PGAP1: variants seen among roughly 807,000 people sequenced by gnomAD.
PGAP1 encodes the protein post-GPI attachment to proteins inositol deacylase 1, also known as GPI inositol-deacylase.
Under a neutral mutation model 127.0 loss-of-function variants are expected in PGAP1, and 76 were observed. The ratio of observed to expected loss-of-function variants is 0.60; its 90% CI spans 0.50 to 0.72. PGAP1 has a LOEUF of 0.72. Among genes scored for constraint, PGAP1 ranks in the 30% least tolerant of loss-of-function variants. The probability of loss-of-function intolerance (pLI) is 0.00; values close to 1 mark genes in which losing one functional copy is unlikely to be tolerated. For synonymous variants in PGAP1, 362 were observed against 366.5 expected (o/e 0.99, Z 0.14); for missense variants, 982 against 1,071.3 (o/e 0.92, Z 1.16).
chr2:196,902,337 C>A (rs954895944), intron 5 of PGAP1, among the ~76,000 whole-genome samples: 1 of 152,132 alleles, frequency 6.6e-6, no homozygotes, highest in Admixed American at 6.6e-5. Flanking sequence ...GGTTCCTGGC[C>A]ATCCTTTTTA....
At chr2:196,873,833 AT>A in intron 14 of PGAP1, 75 bp from the exon 15 acceptor site, 1 of 965,324 alleles carries the variant, frequency 1.0e-6, no homozygotes, top group East Asian at 2.4e-5. Context: ...TTTAATTAGC[AT>A]TAAGACAATG....
intron 20 of PGAP1, among the ~76,000 whole-genome samples, chr2:196,862,520 A>C (rs1426947706): frequency 6.6e-6 from 1 of 152,112 alleles, no homozygotes; most frequent in Non-Finnish European, 1.5e-5. Flanking sequence ...TGTGACCGAC[A>C]CCCTATTCGT....
chr2:196,846,272 T>C (rs1449871977), intron 22 of PGAP1, among the ~76,000 whole-genome samples: 3 of 152,116 alleles, frequency 2.0e-5, no homozygotes, highest in Non-Finnish European at 4.4e-5. Context: ...TGAAAAAATG[T>C]TACCAAAGAT....
intron 20 of PGAP1, among the ~76,000 whole-genome samples, chr2:196,860,961 A>C (rs1228764451): frequency 6.6e-6 from 1 of 152,218 alleles, no homozygotes; most frequent in Non-Finnish European, 1.5e-5. Flanking sequence ...ATGGCAACCA[A>C]AACAGTTTAG....
intron 2 of PGAP1, among the ~76,000 whole-genome samples, chr2:196,917,075 C>A (rs1411555226): frequency 6.6e-6 from 1 of 152,126 alleles, no homozygotes; most frequent in Non-Finnish European, 1.5e-5. Context: ...CCAAATCTAT[C>A]CCCAGTTGAA....
At chr2:196,903,341 T>C (rs1289888186) in intron 4 of PGAP1, among the ~76,000 whole-genome samples, 1 of 151,148 alleles carries the variant, frequency 6.6e-6, no homozygotes, top group African/African-American at 2.4e-5. Context: ...GGAAGGCAGA[T>C]CACGAGGTCA....
chr2:196,852,743 A>C (rs1700760654), intron 20 of PGAP1, among the ~76,000 whole-genome samples: 1 of 152,164 alleles, frequency 6.6e-6, no homozygotes, highest in African/African-American at 2.4e-5. Context: ...TTGGTAAGGA[A>C]GGTTAAAAAC....
intron 20 of PGAP1, among the ~76,000 whole-genome samples, chr2:196,848,867 T>C (rs1700634375): frequency 6.6e-6 from 1 of 152,210 alleles, no homozygotes; most frequent in East Asian, 1.9e-4. Context: ...ATTTAGCCAT[T>C]TGAGGAATTG....
At chr2:196,903,468 G>A (rs997362954) in intron 4 of PGAP1, among the ~76,000 whole-genome samples, 1 of 149,184 alleles carries the variant, frequency 6.7e-6, no homozygotes, top group Admixed American at 6.8e-5. Flanking sequence ...GGCTGAGGCA[G>A]GAGAATCGCT....
At chr2:196,844,478 G>A in intron 24 of PGAP1, 46 bp downstream of exon 24, 1 of 1,352,798 alleles carries the variant, frequency 7.4e-7, no homozygotes, top group Non-Finnish European at 1.0e-6. Context: ...ATTTCCCCAT[G>A]TTCTTTCATT....
intron 10 of PGAP1, 86 bp downstream of exon 10, chr2:196,890,742 T>G: frequency 2.8e-6 from 2 of 723,482 alleles, no homozygotes; most frequent in Non-Finnish European, 4.8e-6. Context: ...AATAGTAATA[T>G]TTCATAGCTA....
chr2:196,873,442 A>G, intron 16 of PGAP1, 86 bp downstream of exon 16: 1 of 879,116 alleles, frequency 1.1e-6, no homozygotes, highest in East Asian at 2.7e-5. Flanking sequence ...TGGAAGAATA[A>G]GTATTATAGA....
chr2:196,923,325 C>T (rs1194326851), intron 1 of PGAP1, among the ~76,000 whole-genome samples: 1 of 152,194 alleles, frequency 6.6e-6, no homozygotes, highest in Admixed American at 6.5e-5. Flanking sequence ...GTACTTCATA[C>T]ACCCTCCATG....
In PGAP1 at chr2:196,834,133, T is replaced by C. The variant is rs560573222; in HGVS notation, c.*7101A>G. On this transcript the variant is annotated 3_prime_UTR_variant, in exon 27 of 27. Transcript: ENST00000354764. Reference sequence around the variant, plus strand: ...TCATTAATAAGACAAAAAATTACATTTGAAGATTAGTTTTTCCAAGTGTGG... The same window carrying C: ...TCATTAATAAGACAAAAAATTACATCTGAAGATTAGTTTTTCCAAGTGTGG... The C allele has an allele frequency of 5.9e-5, 9 of 152,102 alleles. No homozygotes were observed. The South Asian group carries it at 1.9e-3, about 32-fold the overall frequency. The allele number at this position is 152,102 out of a possible 1,614,324, so 9.4% of individuals were successfully genotyped here.
At chr2:196,846,144 C>T (rs1279716145) in intron 22 of PGAP1, 127 bp from the exon 23 acceptor site, 2 of 490,278 alleles carry the variant, frequency 4.1e-6, no homozygotes, top group Admixed American at 8.2e-5. Flanking sequence ...AGGTAAACAA[C>T]AAGGTATTTT....
intron 20 of PGAP1, among the ~76,000 whole-genome samples, chr2:196,851,995 T>C (rs780054838): frequency 2.0e-5 from 3 of 152,322 alleles, no homozygotes; most frequent in Non-Finnish European, 4.4e-5. Context: ...ATCTGCATTC[T>C]ACAGGCTACT....
intron 1 of PGAP1, among the ~76,000 whole-genome samples, chr2:196,924,154 C>G (rs976604877): frequency 2.0e-5 from 3 of 151,890 alleles, no homozygotes; most frequent in African/African-American, 7.3e-5. Context: ...AATTTATGCC[C>G]CATCTTTTAA....
intron 20 of PGAP1, among the ~76,000 whole-genome samples, chr2:196,857,857 A>C (rs1400301723): frequency 6.6e-6 from 1 of 152,204 alleles, no homozygotes; most frequent in East Asian, 1.9e-4. Context: ...GCCAAGAATA[A>C]TCATTTCAAA....
rs371993991 is a variant in PGAP1 at position 196,919,980 on chromosome 2, C to A, written c.301+17G>T. The A allele has an allele frequency of 1.1e-4, 177 of 1,584,648 alleles. No individual in the cohort carries two copies. The highest frequency in any genetic ancestry group is 3.4e-4 in the Middle Eastern group (2 of 5,932). On this transcript the variant is annotated intron_variant, in intron 2 of 26. Coordinates refer to ENST00000354764, the MANE Select transcript of PGAP1 (RefSeq NM_024989.4). ...TGAATTTTATAGCTTTCAAAATTTA[C>A]TTCCAGTAAGACTTACCTTGCTTAT...
Sources: gnomAD v4.1 joint callset for allele counts (sites outside exome capture counted in the v4.1 genomes callset) on GRCh38, gnomAD v4.1.1 for gene constraint, MANE v1.5 for transcripts, NCBI Gene and HGNC (gene_info 2026-07-23, HGNC 2026-07-21) for gene names.